The following ENPP3 variants were observed in gnomAD, a reference collection of about 807,000 sequenced individuals.
ENPP3 encodes the protein ectonucleotide pyrophosphatase/phosphodiesterase family member 3.
A neutral mutation model predicts 117.8 loss-of-function variants in ENPP3; 104 were observed. That is an observed-to-expected ratio of 0.88 (90% CI 0.75 to 1.04). The LOEUF (loss-of-function observed/expected upper bound fraction) is 1.04. Among genes scored for constraint, ENPP3 ranks in the 50% least tolerant of loss-of-function variants. The pLI is 0.00. For synonymous variants in ENPP3, 380 were observed against 349.9 expected, an observed-to-expected ratio of 1.09 and a Z score of -0.96; for missense variants, 1,026 against 1,051.9, an observed-to-expected ratio of 0.98 and a Z score of 0.34.
Position 131,747,007 on chromosome 6 carries a change from A to C in ENPP3, c.*51A>C. 1 of 995,872 alleles carries C rather than the reference A, an allele frequency of 1.0e-6. No homozygotes were observed. 61.7% of individuals were successfully genotyped at this position (995,872 alleles called of 1,614,324 possible). On this transcript the variant is annotated 3_prime_UTR_variant, in exon 25 of 25. Transcript: ENST00000357639. ...ATTTACTGTATAAAGTAATTTTGGC[A>C]AAATATAAGTGATTTTTTTCTGGAG...
intron 21 of ENPP3, among the ~76,000 whole-genome samples, chr6:131,734,773 G>A (rs546278718): frequency 1.4e-4 from 21 of 151,532 alleles, no homozygotes; most frequent in African/African-American, 2.4e-4. Context: ...TTGCTGGTGC[G>A]CACCTGTAAT....
At chr6:131,644,963 A>G (rs1205804983) in intron 2 of ENPP3, among the ~76,000 whole-genome samples, 1 of 152,202 alleles carries the variant, frequency 6.6e-6, no homozygotes, top group Non-Finnish European at 1.5e-5. Context: ...ATTTATGTAA[A>G]TGGTTGTGAT....
intron 13 of ENPP3, 90 bp downstream of exon 13, chr6:131,685,585 C>G (rs1779137646): frequency 5.3e-6 from 7 of 1,314,442 alleles, no homozygotes; most frequent in Non-Finnish European, 6.4e-6. Flanking sequence ...TTGGGGTTAT[C>G]AGACCCTCTA....
rs1319785095 is a variant in ENPP3 at position 131,674,167 on chromosome 6, G to A, written c.648G>A (p.Leu216=). ...TTTTGAAATTATCATTTTAGGGCTT[G>A]TATCCAGAGTCACATGGCATCATTG... ...FPNHYTIVTG[L]YPESHGIIDN... Residue 216 remains leucine (L), a synonymous_variant, in exon 8 of 25, where the codon TTG becomes TTA. Coordinates refer to ENST00000357639, the MANE Select transcript of ENPP3 (RefSeq NM_005021.5). 6 of 1,533,038 alleles carry A rather than the reference G, an allele frequency of 3.9e-6. No homozygotes were observed. Among genetic ancestry groups the A allele is most frequent in the Non-Finnish European group, 2.7e-6 (3 of 1,109,666 alleles). The allele number at this position is 1,533,038 out of a possible 1,614,324, so 95.0% of individuals were successfully genotyped here.
Position 131,676,796 on chromosome 6 carries a change from T to C in ENPP3, c.933T>C (p.Ala311=). Residue 311 remains alanine (A), a synonymous_variant, in exon 10 of 25, where the codon GCT becomes GCC. Transcript: ENST00000357639. ...TLLKWLDLPK[A]ERPRFYTMYF... ...TAAAATGGCTGGACCTGCCCAAAGC[T>C]GAAAGGTAATGTCTAGTGTCAGAAA... The C allele has an allele frequency of 6.2e-7, 1 of 1,605,244 alleles. No individual in the cohort carries two copies. The highest frequency in any genetic ancestry group is 2.2e-5 in the East Asian group (1 of 44,798).
In ENPP3 at chr6:131,726,518, C is replaced by T. The variant is rs551544188; in HGVS notation, c.1953+318C>T. On this transcript the variant is annotated intron_variant, in intron 20 of 24. Transcript: ENST00000357639. ...AGAGGAATACTATTCATTTAAGATT[C>T]CCCATGTACATCATGGGTGCATGTA... Among the ~76,000 whole-genome samples the T allele has an allele frequency of 1.4e-4, 22 of 152,264 alleles. No individual in the cohort carries two copies. In the South Asian group the frequency reaches 1.5e-3, roughly 10 times the overall value.
chr6:131,654,426 C>T (rs1168789541), intron 5 of ENPP3, among the ~76,000 whole-genome samples: 1 of 152,132 alleles, frequency 6.6e-6, no homozygotes, highest in African/African-American at 2.4e-5. Context: ...CAGGCATGAA[C>T]TACTGTGCTG....
At chr6:131,655,518 TGCTGTGCAATTCATCAGAA>T (rs1303390723) in intron 5 of ENPP3, among the ~76,000 whole-genome samples, 47 of 152,312 alleles carry the variant, frequency 3.1e-4, no homozygotes, top group African/African-American at 1.1e-3. Context: ...GAGCCCGTGA[TGCTGTGCAATTCATCAGAA>T]GAACGGGTAA....
chr6:131,716,183 G>T (rs1487488487), intron 15 of ENPP3, among the ~76,000 whole-genome samples: 1 of 152,126 alleles, frequency 6.6e-6, no homozygotes, highest in Non-Finnish European at 1.5e-5. Context: ...ATTTCATATG[G>T]GACTTGGAAG....
intron 15 of ENPP3, among the ~76,000 whole-genome samples, chr6:131,698,166 A>G (rs1779451004): frequency 6.6e-6 from 1 of 152,092 alleles, no homozygotes; most frequent in South Asian, 2.1e-4. Flanking sequence ...AGGCAGGATG[A>G]TCAATTTGGG....
chr6:131,739,806 C>T (rs1780487288), intron 23 of ENPP3, among the ~76,000 whole-genome samples: 1 of 151,430 alleles, frequency 6.6e-6, no homozygotes, highest in Non-Finnish European at 1.5e-5. Context: ...TGCAGTGGCT[C>T]ACGCCTGTCA....
intron 20 of ENPP3, among the ~76,000 whole-genome samples, chr6:131,730,562 C>T (rs933864075): frequency 1.3e-5 from 2 of 152,126 alleles, no homozygotes; most frequent in Non-Finnish European, 2.9e-5. Flanking sequence ...TTTACTCTGC[C>T]TATACACTTA....
At chr6:131,743,194 G>A (rs1423395329) in intron 24 of ENPP3, among the ~76,000 whole-genome samples, 5 of 151,960 alleles carry the variant, frequency 3.3e-5, no homozygotes, top group African/African-American at 4.8e-5. Context: ...AAATGTATAC[G>A]ATAGATTATC....
At chr6:131,679,018 CTTCCTTCCTTCTTTCT>C (rs1778951842) in intron 11 of ENPP3, among the ~76,000 whole-genome samples, 1 of 72,894 alleles carries the variant, frequency 1.4e-5, no homozygotes, top group Non-Finnish European at 2.6e-5. Flanking sequence ...TCCTTCCTTC[CTTCCTTCCTTCTTTCT>C]TTCTTTCTTT....
At chr6:131,730,324 A>G (rs980839078) in intron 20 of ENPP3, among the ~76,000 whole-genome samples, 1 of 152,206 alleles carries the variant, frequency 6.6e-6, no homozygotes, top group Non-Finnish European at 1.5e-5. Context: ...AGAACTGTAT[A>G]CTATGATATG....
intron 2 of ENPP3, 62 bp from the exon 3 acceptor site, chr6:131,649,965 G>C (rs1161299280): frequency 1.9e-6 from 3 of 1,591,526 alleles, no homozygotes; most frequent in Non-Finnish European, 2.6e-6. Context: ...TGCTTCCACT[G>C]CTTAGGTATG....
chr6:131,643,739 T>A (rs180925342), intron 2 of ENPP3, among the ~76,000 whole-genome samples: 4 of 152,190 alleles, frequency 2.6e-5, no homozygotes, highest in African/African-American at 7.2e-5. Flanking sequence ...TGATTGAACA[T>A]TATGTGCTTG....
chr6:131,718,833 G>C, intron 16 of ENPP3, 95 bp downstream of exon 16: 2 of 685,278 alleles, frequency 2.9e-6, no homozygotes, highest in Non-Finnish European at 5.0e-6. Flanking sequence ...ATCTGTCATG[G>C]GGGTTTGTCA....
In ENPP3 at chr6:131,733,638, T is replaced by C; in HGVS notation, c.2004T>C (p.Asp668=). 1.2e-6 allele frequency: 2 copies of C among 1,614,168 alleles called. No homozygotes were observed. The change falls in exon 21 of 25, where the codon GAT becomes GAC. Residue 668 remains aspartate, a synonymous_variant. Coordinates refer to ENST00000357639, the MANE Select transcript of ENPP3 (RefSeq NM_005021.5). The part of the protein sequence containing the change: ...PPTVPDCLRA[D]VRVPPSESQK... The stretch of plus-strand genomic sequence containing the variant: ...CTGTCCCAGACTGTCTGCGGGCTGA[T>C]GTCAGGGTTCCTCCTTCTGAGAGCC...
Sources: allele counts gnomAD v4.1 joint callset (sites outside exome capture counted in the v4.1 genomes callset), GRCh38; gene constraint gnomAD v4.1.1; transcripts MANE v1.5; gene names NCBI Gene and HGNC (gene_info 2026-07-23, HGNC 2026-07-21).